UTP18: variants seen among roughly 807,000 people sequenced by gnomAD.
UTP18 encodes the protein U3 small nucleolar RNA-associated protein 18 homolog.
In UTP18, 36 loss-of-function variants were observed where a neutral mutation model predicts 61.1. That is an observed-to-expected ratio of 0.59 (90% confidence interval 0.45 to 0.78). UTP18 has a LOEUF of 0.78. UTP18 is among the 30% of genes least tolerant of loss of function. The pLI is 0.00. For missense variants in UTP18, 753 were observed against 693.9 expected (o/e 1.09, Z -0.96); for synonymous variants, 282 against 251.1 (o/e 1.12, Z -1.16).
intron 11 of UTP18, among the ~76,000 whole-genome samples, chr17:51,289,185 CT>C (rs536646398): frequency 9.8e-4 from 134 of 137,424 alleles, no homozygotes; most frequent in African/African-American, 3.6e-3. Context: ...GTAAGCAGAC[CT>C]TTCTGTTTTT....
chr17:51,261,228 C>T (rs1413438016), intron 1 of UTP18, among the ~76,000 whole-genome samples: 2 of 152,248 alleles, frequency 1.3e-5, no homozygotes, highest in African/African-American at 4.8e-5. Flanking sequence ...CTCCGCTAGC[C>T]TCTTCCCAAA....
In UTP18 at chr17:51,273,455, G is replaced by C. The variant is rs1272922433; in HGVS notation, c.711+5G>C. On this transcript the variant is annotated splice_donor_5th_base_variant and intron_variant, in intron 5 of 13. Transcript: ENST00000225298. ...CTTCCAAGAGGAATCTTGAAGGTGA[G>C]AGTCAGTGAAGTTGGGGGATCCTAT... 1 of 1,605,344 alleles carries C rather than the reference G, an allele frequency of 6.2e-7. No homozygotes were observed. The highest frequency in any genetic ancestry group is 8.5e-7 in the Non-Finnish European group (1 of 1,175,742).
chr17:51,289,922 T>C (rs574284481), intron 11 of UTP18, among the ~76,000 whole-genome samples: 2 of 152,330 alleles, frequency 1.3e-5, no homozygotes, highest in Admixed American at 6.5e-5. Context: ...AAGGGCAGAA[T>C]TGTGATTTAG....
At chr17:51,286,851 A>G (rs1050671274) in intron 10 of UTP18, among the ~76,000 whole-genome samples, 1 of 152,120 alleles carries the variant, frequency 6.6e-6, no homozygotes, top group African/African-American at 2.4e-5. Context: ...TATACTTTTA[A>G]GTTTTAGGGT....
At chr17:51,289,512 C>T (rs941997507) in intron 11 of UTP18, among the ~76,000 whole-genome samples, 1 of 151,784 alleles carries the variant, frequency 6.6e-6, no homozygotes, top group African/African-American at 2.4e-5. Flanking sequence ...CAGCCCAGAA[C>T]TTTCTAAGGA....
rs544364736 is a variant in UTP18 at position 51,262,120 on chromosome 17, C to T, written c.343-1154C>T. 4.6e-3 allele frequency among the ~76,000 whole-genome samples: 696 copies of T among 151,390 alleles called. 7 individuals are homozygous for T. Among genetic ancestry groups the T allele is most frequent in the African/African-American group, 0.016 (647 of 41,262 alleles). On this transcript the variant is annotated intron_variant, in intron 1 of 13. Coordinates refer to ENST00000225298, the MANE Select transcript of UTP18 (RefSeq NM_016001.3). ...TTTTTTTTTTTTAGACTCGCCCTGT[C>T]GCCCAGGCTGGAGTGCAGTGGCGCC...
At chr17:51,261,073 C>G (rs1598469624) in intron 1 of UTP18, 147 bp downstream of exon 1, 2 of 695,758 alleles carry the variant, frequency 2.9e-6, no homozygotes, top group African/African-American at 1.9e-5. Flanking sequence ...CGCGGAGGGT[C>G]GCAGCTGCGG....
chr17:51,294,425 C>T (rs113942216), intron 12 of UTP18, among the ~76,000 whole-genome samples: 21,671 of 149,442 alleles, frequency 0.15, 2,936 homozygotes, highest in African/African-American at 0.36. Flanking sequence ...GTTCAATTCC[C>T]ACCTCTGAGT....
chr17:51,277,377 CTT>C, intron 7 of UTP18, 73 bp downstream of exon 7: 1 of 1,484,552 alleles, frequency 6.7e-7, no homozygotes, highest in Non-Finnish European at 9.2e-7. Context: ...GTTTACAACA[CTT>C]TTTTCACTCC....
chr17:51,286,654 C>T (rs1458541252), intron 10 of UTP18: 2 of 444,868 alleles, frequency 4.5e-6, no homozygotes, highest in African/African-American at 2.0e-5. Flanking sequence ...ATGAAGGCCC[C>T]TTCCTTTCCT....
intron 11 of UTP18, chr17:51,288,684 G>A (rs1428335348): frequency 2.9e-5 from 13 of 448,170 alleles, no homozygotes; most frequent in Admixed American, 4.8e-5. Flanking sequence ...TTAGGAATCC[G>A]CAGGACCACC....
chr17:51,282,867 C>CTTTTTTTT (rs534175274), intron 9 of UTP18, among the ~76,000 whole-genome samples: 31 of 120,696 alleles, frequency 2.6e-4, no homozygotes, highest in Non-Finnish European at 3.6e-4. Context: ...TCTTCTTCTT[C>CTTTTTTTT]TTTTTTTTTT....
intron 9 of UTP18, among the ~76,000 whole-genome samples, chr17:51,284,710 A>T (rs1273390833): frequency 1.3e-5 from 2 of 152,208 alleles, no homozygotes; most frequent in Non-Finnish European, 2.9e-5. Context: ...ACCTAAAGGT[A>T]CTGTCTATTA....
At position 51,263,402 on chromosome 17, in the gene UTP18, T is replaced by C. The variant is rs2055528040; in HGVS notation, c.455+16T>C. The stretch of plus-strand genomic sequence containing the variant: ...ATGAGGAAATGTAAGTTGCCTAACT[T>C]TTCTTCTGAATCCCTCTGTACACTT... On this transcript the variant is annotated intron_variant, in intron 2 of 13. Transcript: ENST00000225298. 1 of 1,592,732 alleles carries C rather than the reference T, an allele frequency of 6.3e-7. No individual in the cohort carries two copies. The highest frequency in any genetic ancestry group is 2.2e-5 in the East Asian group (1 of 44,782).
intron 4 of UTP18, among the ~76,000 whole-genome samples, chr17:51,271,868 A>G (rs1325888532): frequency 6.6e-6 from 1 of 151,846 alleles, no homozygotes; most frequent in Admixed American, 6.6e-5. Context: ...GGGTTTCACC[A>G]TTTTGGTCAG....
intron 11 of UTP18, 23 bp downstream of exon 11, chr17:51,288,226 A>G: frequency 6.6e-7 from 1 of 1,521,990 alleles, no homozygotes; most frequent in African/African-American, 1.4e-5. Context: ...TTACCCCTTT[A>G]TTATTGTTAT....
At chr17:51,265,655 C>T (rs565012150) in intron 2 of UTP18, among the ~76,000 whole-genome samples, 2 of 148,660 alleles carry the variant, frequency 1.3e-5, no homozygotes, top group Admixed American at 1.4e-4. Context: ...CCTCTGCCTC[C>T]TGGGTTCAAG....
At chr17:51,261,608 T>C (rs1005967212) in intron 1 of UTP18, among the ~76,000 whole-genome samples, 29 of 152,100 alleles carry the variant, frequency 1.9e-4, no homozygotes, top group African/African-American at 7.0e-4. Flanking sequence ...TCCCTGCCTT[T>C]TGGCGCTTGT....
intron 2 of UTP18, among the ~76,000 whole-genome samples, chr17:51,264,141 A>G (rs1355580947): frequency 6.6e-6 from 1 of 151,014 alleles, no homozygotes; most frequent in Non-Finnish European, 1.5e-5. Context: ...GGTTCAAGCG[A>G]TTCTCCTGCC....
Sources: gnomAD v4.1 joint callset for allele counts (sites outside exome capture counted in the v4.1 genomes callset) on GRCh38, gnomAD v4.1.1 for gene constraint, MANE v1.5 for transcripts, NCBI Gene and HGNC (gene_info 2026-07-23, HGNC 2026-07-21) for gene names.